Variants in AGAP1 observed in about 807,000 individuals in gnomAD.
AGAP1 encodes the protein arf-GAP with GTPase, ANK repeat and PH domain-containing protein 1.
A neutral mutation model predicts 105.3 loss-of-function variants in AGAP1; 29 were observed. The ratio of observed to expected loss-of-function variants is 0.28; its 90% confidence interval spans 0.21 to 0.38. The LOEUF is 0.38. AGAP1 is among the 10% of genes least tolerant of loss of function. The pLI is 1.00. For missense variants in AGAP1, 998 were observed against 1,165.1 expected, an observed-to-expected ratio of 0.86 and a Z score of 2.09; for synonymous variants, 509 against 485.9, an observed-to-expected ratio of 1.05 and a Z score of -0.63.
intron 1 of AGAP1, among the ~76,000 whole-genome samples, chr2:235,567,213 C>T (rs56032224): frequency 0.015 from 2,316 of 152,350 alleles, 30 homozygotes; most frequent in Non-Finnish European, 0.025. Flanking sequence ...CTTGGATGTG[C>T]GGGTCGGATG....
intron 13 of AGAP1, among the ~76,000 whole-genome samples, chr2:235,974,887 C>T (rs1221915584): frequency 6.6e-6 from 1 of 152,080 alleles, no homozygotes; most frequent in Non-Finnish European, 1.5e-5. Context: ...AAACTCGGTT[C>T]CTCTCTCTCT....
intron 3 of AGAP1, among the ~76,000 whole-genome samples, chr2:235,722,231 C>T (rs1951422282): frequency 6.6e-6 from 1 of 152,090 alleles, no homozygotes; most frequent in Admixed American, 6.5e-5. Context: ...TAACAAAGTA[C>T]CACAAACTGG....
intron 1 of AGAP1, among the ~76,000 whole-genome samples, chr2:235,675,876 T>A (rs1559336449): frequency 1.3e-5 from 2 of 152,188 alleles, no homozygotes; most frequent in Non-Finnish European, 2.9e-5. Flanking sequence ...AGACTTGGGC[T>A]GGAATATCCT....
chr2:236,059,363 G>A (rs1270874692), intron 16 of AGAP1, among the ~76,000 whole-genome samples: 1 of 152,128 alleles, frequency 6.6e-6, no homozygotes, highest in Non-Finnish European at 1.5e-5. Flanking sequence ...TCATGTTCAC[G>A]GATTGGAATA....
At chr2:236,064,728 TA>T (rs763241937) in intron 16 of AGAP1, among the ~76,000 whole-genome samples, 136 of 152,202 alleles carry the variant, frequency 8.9e-4, no homozygotes, top group Non-Finnish European at 1.7e-3. Flanking sequence ...TGGTATCCTT[TA>T]AACAGCACGT....
chr2:236,112,286 C>T (rs754123628), intron 16 of AGAP1, among the ~76,000 whole-genome samples: 2 of 152,102 alleles, frequency 1.3e-5, no homozygotes, highest in Middle Eastern at 3.4e-3. Flanking sequence ...CGTGGTGGCA[C>T]GTGCCTGTAA....
chr2:235,529,491 T>C lies in AGAP1; in HGVS notation c.163+34642T>C, dbSNP rs80289283. 8.6e-3 allele frequency among the ~76,000 whole-genome samples: 1,311 copies of C among 152,258 alleles called. 84 individuals carry two copies. In the East Asian group the frequency reaches 0.16, roughly 19 times the overall value. On this transcript the variant is annotated intron_variant, in intron 1 of 17. Coordinates refer to ENST00000304032, the MANE Select transcript of AGAP1 (RefSeq NM_001037131.3). ...ATTGAACTGGCAGGAGGTGCAGATC[T>C]CTCAAGCAGGTGGGGTGTCTGTGGG...
rs1042193550 is a variant in AGAP1 at position 235,965,646 on chromosome 2, G to A, written c.1484-2816G>A. ...TGGTAGGGATACCACGTGCCTCAGCGGATTGCTTAAGAGTCCTGAACGCAT... is the reference window on the plus strand; with the variant it reads ...TGGTAGGGATACCACGTGCCTCAGCAGATTGCTTAAGAGTCCTGAACGCAT... On this transcript the variant is annotated intron_variant, in intron 12 of 17. Coordinates refer to ENST00000304032, the MANE Select transcript of AGAP1 (RefSeq NM_001037131.3). The surrounding 1 kb of genome is among the most constrained non-coding windows in gnomAD (Gnocchi z 5.8). Among the ~76,000 whole-genome samples, 7 of 152,114 alleles carry A rather than the reference G, an allele frequency of 4.6e-5. No individual in the cohort carries two copies. Among genetic ancestry groups the A allele is most frequent in the African/African-American group, 1.2e-4 (5 of 41,428 alleles).
In AGAP1 at chr2:236,105,630, A is replaced by G. The variant is rs985249587; in HGVS notation, c.2115-14562A>G. Among the ~76,000 whole-genome samples, 19 of 138,142 alleles carry G rather than the reference A, an allele frequency of 1.4e-4. No homozygotes were observed. The highest frequency in any genetic ancestry group is 2.5e-4 in the African/African-American group (9 of 36,018). The allele number at this position is 138,142 out of a possible 152,430, so 90.6% of individuals were successfully genotyped here. ...CAGTGCAGTGGCGTGAACTCGGCTC[A>G]CTGCAACCTCCGCCTCCCGGGTTCA... On this transcript the variant is annotated intron_variant, in intron 16 of 17. Coordinates refer to ENST00000304032, the MANE Select transcript of AGAP1 (RefSeq NM_001037131.3). This position sits in a 1 kb window ranked among gnomAD's most constrained non-coding sequence, Gnocchi z 4.2.
In AGAP1 at chr2:236,044,723, C is replaced by A. The variant is rs1441035740; in HGVS notation, c.1891+3882C>A. Among the ~76,000 whole-genome samples, 1 of 151,984 alleles carries A rather than the reference C, an allele frequency of 6.6e-6. No homozygotes were observed. Among genetic ancestry groups the A allele is most frequent in the Non-Finnish European group, 1.5e-5 (1 of 68,002 alleles). ...CGGTCCCGCAACGTCGGGTCTCCTTCCCATTGTCGCCTCTTAGTCCTTCCC... is the reference window on the plus strand; with the variant it reads ...CGGTCCCGCAACGTCGGGTCTCCTTACCATTGTCGCCTCTTAGTCCTTCCC... On this transcript the variant is annotated intron_variant, in intron 15 of 17. Coordinates refer to ENST00000304032, the MANE Select transcript of AGAP1 (RefSeq NM_001037131.3). The surrounding 1 kb of genome is among the most constrained non-coding windows in gnomAD (Gnocchi z 5.7).
Position 235,964,802 on chromosome 2 carries a change from C to G in AGAP1, c.1484-3660C>G, listed in dbSNP as rs545969027. ...ATGGGACAGCTTAAAAGGTGAAAGT[C>G]TGGGAGGAGAAGGACCTCGTGGAGC... On this transcript the variant is annotated intron_variant, in intron 12 of 17. Transcript: ENST00000304032. This position sits in a 1 kb window ranked among gnomAD's most constrained non-coding sequence, Gnocchi z 4.6. Among the ~76,000 whole-genome samples, 2 of 152,024 alleles carry G rather than the reference C, an allele frequency of 1.3e-5. No individual in the cohort carries two copies. The highest frequency in any genetic ancestry group is 4.8e-5 in the African/African-American group (2 of 41,384).
chr2:235,867,819 A>G lies in AGAP1; in HGVS notation c.1051-15526A>G, dbSNP rs2049255585. The stretch of plus-strand genomic sequence containing the variant: ...TGGTGCCGTGGGGGAAGAATAGGTC[A>G]CAGCTTGTATGACCCGTGTGCTTCT... On this transcript the variant is annotated intron_variant, in intron 9 of 17. Transcript: ENST00000304032. This position sits in a 1 kb window ranked among gnomAD's most constrained non-coding sequence, Gnocchi z 5.4. Among the ~76,000 whole-genome samples, 1 of 152,108 alleles carries G rather than the reference A, an allele frequency of 6.6e-6. No homozygotes were observed. Among genetic ancestry groups the G allele is most frequent in the Non-Finnish European group, 1.5e-5 (1 of 68,006 alleles).
intron 12 of AGAP1, among the ~76,000 whole-genome samples, chr2:235,952,654 C>T (rs2053786043): frequency 6.6e-6 from 1 of 152,006 alleles, no homozygotes; most frequent in African/African-American, 2.4e-5. Context: ...TACTATTTCC[C>T]CAGGGCCTTA....
rs903888168 is a variant in AGAP1, at chr2:235,753,608, A to G, written c.673+3120A>G. 1.3e-5 allele frequency among the ~76,000 whole-genome samples: 2 copies of G among 152,098 alleles called. No individual in the cohort carries two copies. The highest frequency in any genetic ancestry group is 4.8e-5 in the African/African-American group (2 of 41,420). ...GTAATCCCAGCTACTCAGGAAGCCA[A>G]GGCAGGAGAATCGCTTGAACCTGGG... On this transcript the variant is annotated intron_variant, in intron 6 of 17. Transcript: ENST00000304032. This position sits in a 1 kb window ranked among gnomAD's most constrained non-coding sequence, Gnocchi z 4.5.
Position 236,130,508 on chromosome 2 carries a change from C to G in AGAP1, c.*6386C>G, listed in dbSNP as rs1389705630. 6.6e-6 allele frequency: 1 copy of G among 152,218 alleles called. No homozygotes were observed. Among genetic ancestry groups the G allele is most frequent in the African/African-American group, 2.4e-5 (1 of 41,406 alleles). 9.4% of individuals were successfully genotyped at this position (152,218 alleles called of 1,614,324 possible). On this transcript the variant is annotated 3_prime_UTR_variant, in exon 18 of 18. Coordinates refer to ENST00000304032, the MANE Select transcript of AGAP1 (RefSeq NM_001037131.3). The surrounding 1 kb of genome is among the most constrained non-coding windows in gnomAD (Gnocchi z 5.8). ...AGCTGCCCCTAAATCCAATTAAACC[C>G]TCATCTCCCTGGTGCTGAACAGTCT...
At position 235,883,282 on chromosome 2, in the gene AGAP1, G is replaced by A. The variant is rs1575688826; in HGVS notation, c.1051-63G>A. On this transcript the variant is annotated intron_variant, in intron 9 of 17. Coordinates refer to ENST00000304032, the MANE Select transcript of AGAP1 (RefSeq NM_001037131.3). This position sits in a 1 kb window ranked among gnomAD's most constrained non-coding sequence, Gnocchi z 4.5. ...GAACTTGAATGTATATGTTGCCTGT[G>A]TACCTGCCTTTTCTTTTTTTTATTT... 2.8e-6 allele frequency: 4 copies of A among 1,445,562 alleles called. No individual in the cohort carries two copies. The highest frequency in any genetic ancestry group is 2.3e-5 in the East Asian group (1 of 44,030). 89.5% of individuals were successfully genotyped at this position (1,445,562 alleles called of 1,614,324 possible).
intron 1 of AGAP1, among the ~76,000 whole-genome samples, chr2:235,652,014 G>A (rs1281241595): frequency 5.3e-5 from 8 of 152,048 alleles, no homozygotes; most frequent in Admixed American, 2.6e-4. Flanking sequence ...TTTTTTGAAC[G>A]CTCGACTTTT....
intron 1 of AGAP1, among the ~76,000 whole-genome samples, chr2:235,613,057 G>A (rs1019119329): frequency 3.4e-5 from 5 of 147,208 alleles, no homozygotes; most frequent in East Asian, 2.0e-4. Flanking sequence ...TGGAGCTCAC[G>A]CTGTCGCCCA....
At chr2:236,057,020 G>A (rs1369524138) in intron 16 of AGAP1, among the ~76,000 whole-genome samples, 2 of 152,210 alleles carry the variant, frequency 1.3e-5, no homozygotes, top group African/African-American at 2.4e-5. Flanking sequence ...AACATATTAT[G>A]TAACTACAGT....
Sources: allele counts gnomAD v4.1 joint callset (sites outside exome capture counted in the v4.1 genomes callset), GRCh38; gene constraint gnomAD v4.1.1; non-coding constraint Gnocchi (gnomAD v3.1); transcripts MANE v1.5; gene names NCBI Gene and HGNC (gene_info 2026-07-23, HGNC 2026-07-21).